The following ST3GAL2 variants were observed in gnomAD, a reference collection of about 807,000 sequenced individuals.
The protein encoded by ST3GAL2 is CMP-N-acetylneuraminate-beta-galactosamide-alpha-2,3-sialyltransferase 2.
Under a neutral mutation model 37.5 loss-of-function variants are expected in ST3GAL2, and 16 were observed. The observed-to-expected ratio is 0.43, with a 90% CI of 0.29 to 0.65. ST3GAL2 has a LOEUF of 0.65. ST3GAL2 is among the 30% of genes least tolerant of loss of function. The pLI, the probability that ST3GAL2 is intolerant of heterozygous loss-of-function variation, is 0.17. For synonymous variants in ST3GAL2, 238 were observed against 202.9 expected (o/e 1.17, Z -1.47); for missense variants, 383 against 487.8 (o/e 0.79, Z 2.02).
chr16:70,438,609 T>G (rs1597581192), intron 1 of ST3GAL2, among the ~76,000 whole-genome samples: 2 of 124,586 alleles, frequency 1.6e-5, no homozygotes, highest in Admixed American at 8.3e-5. Context: ...AACTAGGGAG[T>G]GGACTGGAAG....
chr16:70,399,910 C>CA (rs2047543524), intron 1 of ST3GAL2: 1 of 153,144 alleles, frequency 6.5e-6, no homozygotes, highest in South Asian at 2.1e-4. Flanking sequence ...GACTGCCCCC[C>CA]ACAGCACTCT....
chr16:70,430,619 G>C (rs2047783408), intron 1 of ST3GAL2, among the ~76,000 whole-genome samples: 1 of 152,144 alleles, frequency 6.6e-6, no homozygotes, highest in South Asian at 2.1e-4. Flanking sequence ...CCATGCTGGA[G>C]GCCCCAGAAA....
chr16:70,429,816 T>A (rs758043858), intron 1 of ST3GAL2, among the ~76,000 whole-genome samples: 12 of 151,674 alleles, frequency 7.9e-5, no homozygotes, highest in Admixed American at 1.3e-4. Flanking sequence ...TAATTTTTTG[T>A]ATTGTTAGTA....
At chr16:70,427,739 C>T (rs566640461) in intron 1 of ST3GAL2, among the ~76,000 whole-genome samples, 27 of 152,322 alleles carry the variant, frequency 1.8e-4, no homozygotes, top group Non-Finnish European at 1.8e-4. Context: ...TCCTCAACCT[C>T]TCACAGCCAA....
intron 1 of ST3GAL2, among the ~76,000 whole-genome samples, chr16:70,429,786 C>T (rs1055424316): frequency 2.0e-5 from 3 of 151,560 alleles, no homozygotes; most frequent in Non-Finnish European, 2.9e-5. Flanking sequence ...GGATTACAGG[C>T]GCCCTCCACC....
intron 1 of ST3GAL2, among the ~76,000 whole-genome samples, chr16:70,438,734 G>C (rs544979640): frequency 6.6e-6 from 1 of 152,122 alleles, no homozygotes; most frequent in African/African-American, 2.4e-5. Flanking sequence ...GCGGCTGGAC[G>C]TGCAAAGCAG....
intron 1 of ST3GAL2, among the ~76,000 whole-genome samples, chr16:70,436,798 C>T (rs753262826): frequency 7.9e-5 from 12 of 152,132 alleles, no homozygotes; most frequent in Non-Finnish European, 1.5e-4. Context: ...AATGAGGACA[C>T]ATTTGAAGAG....
chr16:70,426,658 T>G (rs8058735), intron 1 of ST3GAL2, among the ~76,000 whole-genome samples: 12,245 of 151,670 alleles, frequency 0.081, 1,640 homozygotes, highest in African/African-American at 0.28. Context: ...ATTACAGGCA[T>G]GCACCACCAT....
At chr16:70,425,609 C>T (rs2047744378) in intron 1 of ST3GAL2, among the ~76,000 whole-genome samples, 1 of 152,086 alleles carries the variant, frequency 6.6e-6, no homozygotes, top group South Asian at 2.1e-4. Context: ...AATCCAGCTA[C>T]TCGGGAAGCT....
At chr16:70,386,165 C>T (rs1478951451) in intron 4 of ST3GAL2, among the ~76,000 whole-genome samples, 5 of 150,322 alleles carry the variant, frequency 3.3e-5, no homozygotes, top group Admixed American at 2.0e-4. Context: ...GGACTACAGA[C>T]GTGCGCCACC....
chr16:70,415,406 C>T (rs969302130), intron 1 of ST3GAL2, among the ~76,000 whole-genome samples: 17 of 152,188 alleles, frequency 1.1e-4, no homozygotes, highest in African/African-American at 1.9e-4. Flanking sequence ...TCACAAGAAA[C>T]GGATAAACCT....
intron 3 of ST3GAL2, among the ~76,000 whole-genome samples, chr16:70,394,524 C>T (rs531031183): frequency 4.9e-4 from 74 of 152,232 alleles, no homozygotes; most frequent in African/African-American, 1.7e-3. Flanking sequence ...AATACAGACA[C>T]GCCACAATGC....
chr16:70,397,335 C>G (rs1393679055), intron 2 of ST3GAL2, among the ~76,000 whole-genome samples: 1 of 151,760 alleles, frequency 6.6e-6, no homozygotes, highest in East Asian at 1.9e-4. Flanking sequence ...GCCACCATGA[C>G]CGGCCTTCCC....
chr16:70,379,190 A>C lies in ST3GAL2; in HGVS notation c.*2499T>G, dbSNP rs1203990585. The C allele has an allele frequency of 6.6e-6, 1 of 152,176 alleles. No individual in the cohort carries two copies. The highest frequency in any genetic ancestry group is 1.5e-5 in the Non-Finnish European group (1 of 68,048). The allele number at this position is 152,176 out of a possible 1,614,324, so 9.4% of individuals were successfully genotyped here. On this transcript the variant is annotated 3_prime_UTR_variant, in exon 7 of 7. Coordinates refer to ENST00000342907, the MANE Select transcript of ST3GAL2 (RefSeq NM_006927.4). ...GGATACCTGGAGACATCATGTTGAC[A>C]GAGGCCAAAGTGGTTACAGGACAGC... is the stretch of plus-strand genomic sequence containing the variant.
intron 1 of ST3GAL2, among the ~76,000 whole-genome samples, chr16:70,418,892 A>G (rs1422315318): frequency 6.6e-6 from 1 of 152,110 alleles, no homozygotes; most frequent in Non-Finnish European, 1.5e-5. Flanking sequence ...GTGGCAACAG[A>G]GCCCCCCACA....
At chr16:70,415,340 C>CCA (rs2047668704) in intron 1 of ST3GAL2, among the ~76,000 whole-genome samples, 1 of 152,176 alleles carries the variant, frequency 6.6e-6, no homozygotes, top group African/African-American at 2.4e-5. Flanking sequence ...TATCTAGGCA[C>CCA]CACAGCAAGT....
At chr16:70,434,372 G>A (rs952344885) in intron 1 of ST3GAL2, among the ~76,000 whole-genome samples, 1 of 150,606 alleles carries the variant, frequency 6.6e-6, no homozygotes, top group African/African-American at 2.5e-5. Flanking sequence ...AGGAGTCAGA[G>A]GTTGCAGTGA....
rs2047353265 is a variant in ST3GAL2, at chr16:70,377,085, T to G, written c.*4604A>C. ...TTTTTTAGCTAGGCTCTAGCTGCTCTGGAGGCTGAGGTGGGAGGATCACTT... is the reference window on the plus strand; with the variant it reads ...TTTTTTAGCTAGGCTCTAGCTGCTCGGGAGGCTGAGGTGGGAGGATCACTT... On this transcript the variant is annotated 3_prime_UTR_variant, in exon 7 of 7. Transcript: ENST00000342907. 6.7e-6 allele frequency: 1 copy of G among 149,384 alleles called. No homozygotes were observed. The highest frequency in any genetic ancestry group is 1.5e-5 in the Non-Finnish European group (1 of 67,790). The allele number at this position is 149,384 out of a possible 1,614,324, so 9.3% of individuals were successfully genotyped here.
intron 1 of ST3GAL2, among the ~76,000 whole-genome samples, chr16:70,407,724 G>A (rs1339982441): frequency 6.6e-6 from 1 of 152,162 alleles, no homozygotes; most frequent in Non-Finnish European, 1.5e-5. Context: ...AAAAGCACCT[G>A]ATTGAGGAGC....
Sources: allele counts gnomAD v4.1 joint callset (sites outside exome capture counted in the v4.1 genomes callset), GRCh38; gene constraint gnomAD v4.1.1; transcripts MANE v1.5; gene names NCBI Gene and HGNC (gene_info 2026-07-23, HGNC 2026-07-21).